The following CACNA2D3 variants were observed in gnomAD, a reference collection of about 807,000 sequenced individuals.
CACNA2D3 encodes voltage-dependent calcium channel subunit alpha-2/delta-3.
A neutral mutation model predicts 160.6 loss-of-function variants in CACNA2D3; 60 were observed. That is an observed-to-expected ratio of 0.37 (90% confidence interval 0.30 to 0.46). CACNA2D3 has a LOEUF of 0.46. Ranked by LOEUF, CACNA2D3 falls within the 20% of genes least tolerant of loss-of-function variation. The pLI is 1.00. For missense variants in CACNA2D3, 1,205 were observed against 1,365.0 expected (o/e 0.88, Z 1.85); for synonymous variants, 558 against 492.9 (o/e 1.13, Z -1.75).
intron 5 of CACNA2D3, among the ~76,000 whole-genome samples, chr3:54,551,950 C>G (rs1462956118): frequency 6.6e-6 from 1 of 152,180 alleles, no homozygotes. Context: ...GGCGAAGTAT[C>G]ATGTATCAAA....
intron 11 of CACNA2D3, among the ~76,000 whole-genome samples, chr3:54,716,062 C>T (rs1305030839): frequency 1.3e-5 from 2 of 152,016 alleles, no homozygotes; most frequent in Non-Finnish European, 1.5e-5. Flanking sequence ...CATCACATTG[C>T]GTATCTTGAA....
intron 4 of CACNA2D3, among the ~76,000 whole-genome samples, chr3:54,499,638 G>C (rs1701256806): frequency 6.6e-6 from 1 of 151,910 alleles, no homozygotes; most frequent in South Asian, 2.1e-4. Flanking sequence ...AAATTATCTT[G>C]AGAATTCTTT....
intron 2 of CACNA2D3, among the ~76,000 whole-genome samples, chr3:54,252,329 T>C (rs954790708): frequency 2.0e-5 from 3 of 152,178 alleles, no homozygotes; most frequent in African/African-American, 7.2e-5. Flanking sequence ...GACTTACTTG[T>C]AGAAAACAGC....
chr3:54,513,899 C>T (rs750584670), intron 5 of CACNA2D3, among the ~76,000 whole-genome samples: 2 of 152,184 alleles, frequency 1.3e-5, no homozygotes, highest in Non-Finnish European at 2.9e-5. Flanking sequence ...CCTCGAACTC[C>T]TGACCTCAAG....
At chr3:54,740,220 C>T (rs1410275905) in intron 11 of CACNA2D3, among the ~76,000 whole-genome samples, 4 of 152,032 alleles carry the variant, frequency 2.6e-5, no homozygotes, top group Non-Finnish European at 5.9e-5. Flanking sequence ...ACCAGGACAG[C>T]CGTACAAATC....
intron 3 of CACNA2D3, among the ~76,000 whole-genome samples, chr3:54,361,324 G>T (rs1698739569): frequency 1.3e-5 from 2 of 152,002 alleles, no homozygotes; most frequent in East Asian, 3.9e-4. Flanking sequence ...AAACAAAGCA[G>T]GCTAGGCTGG....
chr3:54,789,358 C>T (rs1349601453), intron 13 of CACNA2D3, among the ~76,000 whole-genome samples: 1 of 152,034 alleles, frequency 6.6e-6, no homozygotes, highest in Non-Finnish European at 1.5e-5. Flanking sequence ...AGACATTTGC[C>T]CTTTATCTGA....
intron 5 of CACNA2D3, among the ~76,000 whole-genome samples, chr3:54,537,678 T>C (rs1358688571): frequency 2.6e-5 from 4 of 152,162 alleles, no homozygotes; most frequent in Non-Finnish European, 5.9e-5. Context: ...GGTTCCTACC[T>C]GTTCATGGAC....
rs761102907 is a variant in CACNA2D3, at chr3:54,570,055, C to T, written c.839C>T (p.Ser280Leu). The stretch of plus-strand genomic sequence containing the variant: ...CTGACTATCGCGAAGCAAACAGTCT[C>T]ATCCATTTTGGATACACTTGGGGAT... ...LRLTIAKQTV[S>L]SILDTLGDDD... The change falls in exon 8 of 38, where the codon TCA becomes TTA. Residue 280 changes from serine to leucine, a missense_variant. Transcript: ENST00000474759. The T allele has an allele frequency of 6.2e-6, 10 of 1,613,860 alleles. No homozygotes were observed. In the African/African-American group the frequency reaches 1.2e-4, roughly 19 times the overall value.
chr3:55,068,002 C>T (rs555502299), intron 35 of CACNA2D3, among the ~76,000 whole-genome samples: 4 of 152,064 alleles, frequency 2.6e-5, no homozygotes, highest in South Asian at 2.1e-4. Context: ...CCTCTATTCT[C>T]CTCTTCTCTC....
chr3:54,863,489 AT>A (rs1699337822), intron 17 of CACNA2D3, among the ~76,000 whole-genome samples: 1 of 152,050 alleles, frequency 6.6e-6, no homozygotes, highest in Non-Finnish European at 1.5e-5. Flanking sequence ...ACTCAGCACT[AT>A]TTTGATTTTT....
intron 35 of CACNA2D3, among the ~76,000 whole-genome samples, chr3:55,035,653 A>T (rs918004718): frequency 6.6e-6 from 1 of 152,194 alleles, no homozygotes; most frequent in Non-Finnish European, 1.5e-5. Context: ...TTTCTCCGTT[A>T]TAAAGGACAT....
At chr3:54,303,824 T>TGTTTTG (rs1553788123) in intron 2 of CACNA2D3, among the ~76,000 whole-genome samples, 2 of 131,486 alleles carry the variant, frequency 1.5e-5, no homozygotes, top group Non-Finnish European at 1.5e-5. Context: ...TTCTGTTTTT[T>TGTTTTG]TTTTTTTTTT....
chr3:54,528,557 G>T (rs1330185762), intron 5 of CACNA2D3, among the ~76,000 whole-genome samples: 1 of 152,146 alleles, frequency 6.6e-6, no homozygotes, highest in Non-Finnish European at 1.5e-5. Flanking sequence ...TTTCCTTTAT[G>T]ATTGAAACAC....
intron 8 of CACNA2D3, among the ~76,000 whole-genome samples, chr3:54,581,007 G>A (rs1702666923): frequency 6.6e-6 from 1 of 152,190 alleles, no homozygotes. Context: ...ATGCTAGAGT[G>A]TCAGCAGGAC....
At chr3:54,357,603 A>G (rs1218413468) in intron 3 of CACNA2D3, among the ~76,000 whole-genome samples, 4 of 152,254 alleles carry the variant, frequency 2.6e-5, no homozygotes, top group Non-Finnish European at 5.9e-5. Flanking sequence ...ACGTATGTCC[A>G]AAACCTGCAA....
chr3:54,249,551 G>A, intron 2 of CACNA2D3, among the ~76,000 whole-genome samples: 1 of 92,948 alleles, frequency 1.1e-5, no homozygotes, highest in East Asian at 3.1e-4. Context: ...AAATGTCTCT[G>A]TTTACGTACA....
At chr3:54,174,499 G>A (rs1700627322) in intron 2 of CACNA2D3, among the ~76,000 whole-genome samples, 1 of 152,100 alleles carries the variant, frequency 6.6e-6, no homozygotes, top group Non-Finnish European at 1.5e-5. Flanking sequence ...TGGTTTGGGG[G>A]TTATTACAAA....
At chr3:54,156,082 G>A (rs947420463) in intron 2 of CACNA2D3, among the ~76,000 whole-genome samples, 4 of 152,286 alleles carry the variant, frequency 2.6e-5, no homozygotes, top group Middle Eastern at 3.4e-3. Context: ...AGCTTCATGA[G>A]TATAGGAAAC....
Sources: gnomAD v4.1 joint callset for allele counts (sites outside exome capture counted in the v4.1 genomes callset) on GRCh38, gnomAD v4.1.1 for gene constraint, MANE v1.5 for transcripts, NCBI Gene and HGNC (gene_info 2026-07-23, HGNC 2026-07-21) for gene names.